Variants in PARD3B observed in about 807,000 individuals in gnomAD.
PARD3B encodes partitioning defective 3 homolog B.
A neutral mutation model predicts 130.2 loss-of-function variants in PARD3B; 103 were observed. The observed-to-expected ratio is 0.79, with a 90% CI of 0.67 to 0.93. The LOEUF is 0.93. PARD3B is among the 40% of genes least tolerant of loss of function. The pLI is 0.00. For missense variants in PARD3B, 1,609 were observed against 1,499.2 expected (o/e 1.07, Z -1.21); for synonymous variants, 583 against 553.2 (o/e 1.05, Z -0.76).
intron 16 of PARD3B, among the ~76,000 whole-genome samples, chr2:205,284,202 A>T (rs1274549424): frequency 6.6e-6 from 1 of 152,122 alleles, no homozygotes; most frequent in Non-Finnish European, 1.5e-5. Context: ...TCCATCTTGC[A>T]CCTCTAATTT....
chr2:204,617,516 C>G (rs767653672), intron 1 of PARD3B, among the ~76,000 whole-genome samples: 59 of 152,226 alleles, frequency 3.9e-4, no homozygotes, highest in Middle Eastern at 3.4e-3. Flanking sequence ...CATGAATGTA[C>G]AAGCATGTGG....
At position 204,994,688 on chromosome 2, in the gene PARD3B, T is replaced by C. The variant is rs919773818; in HGVS notation, c.394+29365T>C. On this transcript the variant is annotated intron_variant, in intron 3 of 22. Transcript: ENST00000406610. ...TAATGTTGACAGTGGGGTGTTAAAG[T>C]CTCCCATTATTAATGTGTGGGAGTC... 1.6e-4 allele frequency among the ~76,000 whole-genome samples: 24 copies of C among 151,416 alleles called. 1 individual carries two copies. Among genetic ancestry groups the C allele is most frequent in the African/African-American group, 5.3e-4 (22 of 41,210 alleles).
intron 3 of PARD3B, among the ~76,000 whole-genome samples, chr2:204,968,162 T>G (rs1236449381): frequency 6.6e-6 from 1 of 152,232 alleles, no homozygotes; most frequent in Non-Finnish European, 1.5e-5. Context: ...AAATTTAATC[T>G]TCATTGGCTT....
chr2:205,038,544 T>C (rs1698172941), intron 3 of PARD3B, among the ~76,000 whole-genome samples: 1 of 152,174 alleles, frequency 6.6e-6, no homozygotes, highest in Non-Finnish European at 1.5e-5. Context: ...AAAACTTTAA[T>C]AGTTCAACCC....
At chr2:205,410,472 T>A (rs545611718) in intron 19 of PARD3B, among the ~76,000 whole-genome samples, 19 of 152,288 alleles carry the variant, frequency 1.2e-4, no homozygotes, top group Admixed American at 1.0e-3. Flanking sequence ...ATAGTTTCTA[T>A]TTTTAGTACC....
intron 1 of PARD3B, among the ~76,000 whole-genome samples, chr2:204,640,334 A>G (rs1185835297): frequency 6.6e-6 from 1 of 152,182 alleles, no homozygotes; most frequent in Admixed American, 6.5e-5. Context: ...TTCAGGAGGC[A>G]TCAGCAGGTT....
chr2:204,550,236 T>TA (rs1487164314), intron 1 of PARD3B, among the ~76,000 whole-genome samples: 1 of 152,174 alleles, frequency 6.6e-6, no homozygotes, highest in Non-Finnish European at 1.5e-5. Context: ...AGATTATTTA[T>TA]AATACCTAAT....
At position 204,649,829 on chromosome 2, in the gene PARD3B, A is replaced by G. The variant is rs1574618412; in HGVS notation, c.121-36352A>G. Among the ~76,000 whole-genome samples, 2 of 152,330 alleles carry G rather than the reference A, an allele frequency of 1.3e-5. 1 individual carries two copies. The highest frequency in any genetic ancestry group is 4.1e-4 in the South Asian group (2 of 4,832). On this transcript the variant is annotated intron_variant, in intron 1 of 22. Coordinates refer to ENST00000406610, the MANE Select transcript of PARD3B (RefSeq NM_001302769.2). Reference sequence around the variant, plus strand: ...TAAAAAGCTGGAAGACAACCTAGGCAATACTGCTCTGGACTTAGGAATGGG... The same window carrying G: ...TAAAAAGCTGGAAGACAACCTAGGCGATACTGCTCTGGACTTAGGAATGGG...
At chr2:205,496,756 T>C (rs2049940454) in intron 20 of PARD3B, among the ~76,000 whole-genome samples, 1 of 152,166 alleles carries the variant, frequency 6.6e-6, no homozygotes, top group Non-Finnish European at 1.5e-5. Flanking sequence ...CAATTTTTTT[T>C]TTCCACCACA....
At chr2:204,858,696 A>G (rs959277575) in intron 2 of PARD3B, among the ~76,000 whole-genome samples, 4 of 149,884 alleles carry the variant, frequency 2.7e-5, no homozygotes, top group African/African-American at 9.7e-5. Context: ...ATGGTTAACT[A>G]TGTGAGATGA....
At chr2:205,193,755 A>G (rs1481071901) in intron 15 of PARD3B, among the ~76,000 whole-genome samples, 2 of 152,266 alleles carry the variant, frequency 1.3e-5, no homozygotes, top group South Asian at 2.1e-4. Context: ...ACTTCCTTCT[A>G]TTCTTCTCCA....
intron 18 of PARD3B, among the ~76,000 whole-genome samples, chr2:205,380,900 A>ATATAATATATAAAGAATATAT: frequency 1.0e-5 from 1 of 96,230 alleles, no homozygotes; most frequent in African/African-American, 4.8e-5. Context: ...TAAAGAATAT[A>ATATAATATATAAAGAATATAT]TATAATATAT....
intron 15 of PARD3B, among the ~76,000 whole-genome samples, chr2:205,236,950 T>C (rs1170837339): frequency 6.6e-6 from 1 of 152,196 alleles, no homozygotes; most frequent in South Asian, 2.1e-4. Context: ...AATTATAAAG[T>C]ACAACATTCA....
intron 4 of PARD3B, among the ~76,000 whole-genome samples, chr2:205,061,794 CAA>C (rs547561903): frequency 6.5e-5 from 8 of 123,784 alleles, no homozygotes; most frequent in African/African-American, 3.0e-5. Flanking sequence ...CTTTTAATTT[CAA>C]AAAAAAAAAA....
chr2:205,124,051 A>G (rs2031084615), intron 8 of PARD3B, among the ~76,000 whole-genome samples: 1 of 152,210 alleles, frequency 6.6e-6, no homozygotes, highest in African/African-American at 2.4e-5. Context: ...TCTCCTGGGC[A>G]TCTGGATAAC....
chr2:204,549,663 G>C (rs181978834), intron 1 of PARD3B, among the ~76,000 whole-genome samples: 2 of 151,988 alleles, frequency 1.3e-5, no homozygotes, highest in Non-Finnish European at 2.9e-5. Flanking sequence ...TAATCTTTTC[G>C]TATGGCTGAA....
In PARD3B at chr2:204,565,495, T is replaced by C. The variant is rs111524568; in HGVS notation, c.120+19376T>C. The stretch of plus-strand genomic sequence containing the variant: ...TTAGTTCACTGAGTTGTATCAGTTT[T>C]CCAAACGTTGACATATTTCATTATA... On this transcript the variant is annotated intron_variant, in intron 1 of 22. Coordinates refer to ENST00000406610, the MANE Select transcript of PARD3B (RefSeq NM_001302769.2). Among the ~76,000 whole-genome samples, 1,327 of 152,330 alleles carry C rather than the reference T, an allele frequency of 8.7e-3. 14 individuals carry two copies. Among genetic ancestry groups the C allele is most frequent in the African/African-American group, 0.031 (1,288 of 41,566 alleles).
At chr2:204,794,137 A>C (rs1452674460) in intron 2 of PARD3B, among the ~76,000 whole-genome samples, 1 of 152,156 alleles carries the variant, frequency 6.6e-6, no homozygotes, top group African/African-American at 2.4e-5. Flanking sequence ...GGGTTTCATA[A>C]ATGTTGGTAA....
At chr2:205,326,648 G>A (rs1392130837) in intron 18 of PARD3B, among the ~76,000 whole-genome samples, 1 of 152,030 alleles carries the variant, frequency 6.6e-6, no homozygotes, top group African/African-American at 2.4e-5. Flanking sequence ...GTATGCTGAG[G>A]CTTGATATAA....
Sources: allele counts gnomAD v4.1 joint callset (sites outside exome capture counted in the v4.1 genomes callset), GRCh38; gene constraint gnomAD v4.1.1; transcripts MANE v1.5; gene names NCBI Gene and HGNC (gene_info 2026-07-23, HGNC 2026-07-21).